The following MED28 variants were observed in gnomAD, a reference collection of about 807,000 sequenced individuals.
MED28 encodes mediator complex subunit 28.
In MED28, 26 loss-of-function variants were observed where a neutral mutation model predicts 21.3. The observed-to-expected ratio is 1.22, with a 90% CI of 0.89 to 1.69. The LOEUF is 1.69. MED28 is among the 40% of genes most tolerant of loss of function. The pLI, the probability that MED28 is intolerant of heterozygous loss-of-function variation, is 0.00. For missense variants in MED28, 257 were observed against 215.4 expected, an observed-to-expected ratio of 1.19 and a Z score of -1.21; for synonymous variants, 110 against 87.6, an observed-to-expected ratio of 1.26 and a Z score of -1.43.
In MED28 at chr4:17,631,074, C is replaced by T. The variant is rs1714922440; in HGVS notation, c.*7276C>T. ...TGCTCTGTCAGAAGGTAAGACAAAT[C>T]AGTGTGGACTGAGAGCAAGGTCAGC... is the stretch of plus-strand genomic sequence containing the variant. On this transcript the variant is annotated 3_prime_UTR_variant, in exon 4 of 4. Coordinates refer to ENST00000237380, the MANE Select transcript of MED28 (RefSeq NM_025205.5). The T allele has an allele frequency of 6.6e-6, 1 of 152,202 alleles. No individual in the cohort carries two copies. 9.4% of individuals were successfully genotyped at this position (152,202 alleles called of 1,614,324 possible).
At chr4:17,622,914 A>G (rs1434248393) in intron 3 of MED28, among the ~76,000 whole-genome samples, 1 of 152,182 alleles carries the variant, frequency 6.6e-6, no homozygotes, top group East Asian at 1.9e-4. Flanking sequence ...ATTCACTACC[A>G]GGAGAACAGC....
rs1714841318 is a variant in MED28 at position 17,628,744 on chromosome 4, C to G, written c.*4946C>G. 6.6e-6 allele frequency: 1 copy of G among 152,214 alleles called. No individual in the cohort carries two copies. Among genetic ancestry groups the G allele is most frequent in the South Asian group, 2.1e-4 (1 of 4,824 alleles). The allele number at this position is 152,214 out of a possible 1,614,324, so 9.4% of individuals were successfully genotyped here. On this transcript the variant is annotated 3_prime_UTR_variant, in exon 4 of 4. Transcript: ENST00000237380. The stretch of plus-strand genomic sequence containing the variant: ...AGGATGAGGCTTGGGGACTGGCTCA[C>G]TCACTGCCCAACTGGTAGCAAAACC...
intron 1 of MED28, among the ~76,000 whole-genome samples, chr4:17,615,393 G>A (rs139824269): frequency 0.012 from 1,789 of 152,312 alleles, 40 homozygotes; most frequent in African/African-American, 0.041. Flanking sequence ...TATATTGAGG[G>A]AAGATAGAGA....
chr4:17,632,250 T>C lies in MED28; in HGVS notation c.*8452T>C, dbSNP rs1365373834. Reference sequence around the variant, plus strand: ...CCACCATGCCTGGCTAATTTTTGTATATTTTGTAGAGATGGGGTTTCACCA... The same window carrying C: ...CCACCATGCCTGGCTAATTTTTGTACATTTTGTAGAGATGGGGTTTCACCA... On this transcript the variant is annotated 3_prime_UTR_variant, in exon 4 of 4. Transcript: ENST00000237380. 5.4e-6 allele frequency: 1 copy of C among 186,366 alleles called. No homozygotes were observed. Among genetic ancestry groups the C allele is most frequent in the Non-Finnish European group, 1.1e-5 (1 of 88,786 alleles). The allele number at this position is 186,366 out of a possible 1,614,324, so 11.5% of individuals were successfully genotyped here.
rs971562214 is a variant in MED28, at chr4:17,631,800, T to C, written c.*8002T>C. On this transcript the variant is annotated 3_prime_UTR_variant, in exon 4 of 4. Transcript: ENST00000237380. ...TGTTTAACTGTTATTTGTCTTCCTA[T>C]TGAGGTTAGATGTGCATTTTGGAAT... 6.6e-6 allele frequency: 1 copy of C among 152,160 alleles called. No individual in the cohort carries two copies. Among genetic ancestry groups the C allele is most frequent in the Non-Finnish European group, 1.5e-5 (1 of 68,038 alleles). The allele number at this position is 152,160 out of a possible 1,614,324, so 9.4% of individuals were successfully genotyped here.
Position 17,632,709 on chromosome 4 carries a change from A to G in MED28, c.*8911A>G, listed in dbSNP as rs1018180114. ...ATACCCACCATCTTTTCAGGGAAAG[A>G]TAACTGCTTGTTTACTCTTCAAAAA... On this transcript the variant is annotated 3_prime_UTR_variant, in exon 4 of 4. Coordinates refer to ENST00000237380, the MANE Select transcript of MED28 (RefSeq NM_025205.5). The G allele has an allele frequency of 3.3e-6, 3 of 914,456 alleles. No homozygotes were observed. The highest frequency in any genetic ancestry group is 4.9e-5 in the Admixed American group (2 of 40,860). The allele number at this position is 914,456 out of a possible 1,614,324, so 56.6% of individuals were successfully genotyped here.
chr4:17,616,892 T>G (rs958120364), intron 1 of MED28, among the ~76,000 whole-genome samples: 1 of 152,194 alleles, frequency 6.6e-6, no homozygotes, highest in East Asian at 1.9e-4. Context: ...CTGATTCACA[T>G]ATATGTCTGT....
Position 17,633,754 on chromosome 4 carries a change from G to T in MED28, c.*9956G>T. ...AGGTCCGGCCACAGCTGGGGCTTGG[G>T]TCCAAGCTGGGTGATGTAGTTATTG... On this transcript the variant is annotated 3_prime_UTR_variant, in exon 4 of 4. Transcript: ENST00000237380. 6.4e-7 allele frequency: 1 copy of T among 1,551,224 alleles called. No homozygotes were observed. The highest frequency in any genetic ancestry group is 8.7e-7 in the Non-Finnish European group (1 of 1,146,814).
chr4:17,617,072 G>A (rs1714474249), intron 1 of MED28, among the ~76,000 whole-genome samples: 1 of 152,336 alleles, frequency 6.6e-6, no homozygotes, highest in South Asian at 2.1e-4. Context: ...GCACATATAG[G>A]TGTGGACATC....
rs1282700334 is a variant in MED28 at position 17,629,929 on chromosome 4, T to A, written c.*6131T>A. On this transcript the variant is annotated 3_prime_UTR_variant, in exon 4 of 4. Coordinates refer to ENST00000237380, the MANE Select transcript of MED28 (RefSeq NM_025205.5). ...GCTTAAGTTTGTGTCCTTAAATGCC[T>A]TACTTCAATACCCAAGGCATATGGC... 2 of 152,190 alleles carry A rather than the reference T, an allele frequency of 1.3e-5. No homozygotes were observed. The highest frequency in any genetic ancestry group is 4.8e-5 in the African/African-American group (2 of 41,462). The allele number at this position is 152,190 out of a possible 1,614,324, so 9.4% of individuals were successfully genotyped here. A position where few individuals can be genotyped will look rare whatever the true frequency, so the allele number is the denominator to read the frequency against.
intron 2 of MED28, among the ~76,000 whole-genome samples, chr4:17,620,971 G>T (rs1297776367): frequency 6.6e-6 from 1 of 150,674 alleles, no homozygotes; most frequent in Non-Finnish European, 1.5e-5. Flanking sequence ...GCCTCCCAAA[G>T]TGCTGGGATT....
Position 17,633,027 on chromosome 4 carries a change from A to G in MED28, c.*9229A>G. ...ACCTCCAGCCTCCTGCGTTCAAGCG[A>G]TCATTGTGCCTCAGCCTCCCGGGGA... On this transcript the variant is annotated 3_prime_UTR_variant, in exon 4 of 4. Coordinates refer to ENST00000237380, the MANE Select transcript of MED28 (RefSeq NM_025205.5). 6.3e-6 allele frequency: 1 copy of G among 158,206 alleles called. No individual in the cohort carries two copies. Among genetic ancestry groups the G allele is most frequent in the Non-Finnish European group, 1.4e-5 (1 of 71,580 alleles). 9.8% of individuals were successfully genotyped at this position (158,206 alleles called of 1,614,324 possible).
At position 17,623,890 on chromosome 4, in the gene MED28, CTT is replaced by C; in HGVS notation, c.*94_*95del. ...GTGGACTTGACATTTTGGAAGAACTCTTTGCCAGATAATGAGTTCATTTTAGT... is the reference window on the plus strand; with the variant it reads ...GTGGACTTGACATTTTGGAAGAACTCTGCCAGATAATGAGTTCATTTTAGT... On this transcript the variant is annotated 3_prime_UTR_variant, in exon 4 of 4. Coordinates refer to ENST00000237380, the MANE Select transcript of MED28 (RefSeq NM_025205.5). 2 of 1,396,686 alleles carry C rather than the reference CTT, an allele frequency of 1.4e-6. No individual in the cohort carries two copies. The highest frequency in any genetic ancestry group is 2.0e-6 in the Non-Finnish European group (2 of 1,022,098). The allele number at this position is 1,396,686 out of a possible 1,614,324, so 86.5% of individuals were successfully genotyped here. A position where few individuals can be genotyped will look rare whatever the true frequency, so the allele number is the denominator to read the frequency against.
At position 17,632,642 on chromosome 4, in the gene MED28, G is replaced by GT. The variant is rs746656665; in HGVS notation, c.*8851dup. 4.2e-5 allele frequency: 44 copies of GT among 1,055,974 alleles called. No individual in the cohort carries two copies. The highest frequency in any genetic ancestry group is 3.5e-4 in the African/African-American group (24 of 67,660). 65.4% of individuals were successfully genotyped at this position (1,055,974 alleles called of 1,614,324 possible). ...TCTGGGGTCCTAAAAGCAAAAAAAG[G>GT]TTTTTTTATATGGTTTTGAAAACTA... On this transcript the variant is annotated 3_prime_UTR_variant, in exon 4 of 4. Transcript: ENST00000237380.
chr4:17,619,616 G>A (rs1026886252), intron 1 of MED28, among the ~76,000 whole-genome samples: 1 of 152,168 alleles, frequency 6.6e-6, no homozygotes, highest in Non-Finnish European at 1.5e-5. Flanking sequence ...GGCTGGAAGA[G>A]TGTCTGGGCC....
Position 17,633,987 on chromosome 4 carries a change from C to A in MED28, c.*10189C>A. The A allele has an allele frequency of 2.1e-6, 2 of 960,296 alleles. No individual in the cohort carries two copies. Among genetic ancestry groups the A allele is most frequent in the Non-Finnish European group, 2.8e-6 (2 of 707,248 alleles). The allele number at this position is 960,296 out of a possible 1,614,324, so 59.5% of individuals were successfully genotyped here. A position where few individuals can be genotyped will look rare whatever the true frequency, so the allele number is the denominator to read the frequency against. On this transcript the variant is annotated 3_prime_UTR_variant, in exon 4 of 4. Transcript: ENST00000237380. ...AATGCTCACCCAATCAAAATTGTAT[C>A]GGAGAAGAAGCAACAATTTCATTTA... is the stretch of plus-strand genomic sequence containing the variant.
chr4:17,632,486 A>G lies in MED28; in HGVS notation c.*8688A>G, dbSNP rs1714982533. The G allele has an allele frequency of 7.1e-7, 1 of 1,409,818 alleles. No individual in the cohort carries two copies. Among genetic ancestry groups the G allele is most frequent in the African/African-American group, 1.4e-5 (1 of 69,852 alleles). 87.3% of individuals were successfully genotyped at this position (1,409,818 alleles called of 1,614,324 possible). ...CATTCCTTCAATCGGATGATTTAAA[A>G]TAAATGTTTTTCAAGTATCCTCTGT... On this transcript the variant is annotated 3_prime_UTR_variant, in exon 4 of 4. Transcript: ENST00000237380.
chr4:17,619,913 T>C lies in MED28; in HGVS notation c.172T>C (p.Ser58Pro). Residue 58 changes from serine to proline, a missense_variant, in exon 2 of 4, where the codon TCT (serine) becomes CCT (proline). Ser to Pro is a moderately conservative substitution (Grantham distance 74). Transcript: ENST00000237380. ...TTTGATTACACAGGCTTGCTTTGCA[T>C]CTCTGGTGAGTCAGGACTATGTCAA... ...LESSFEACFASLVSQDYVNGT... is the reference protein window; with the variant it reads ...LESSFEACFAPLVSQDYVNGT... 6.2e-7 allele frequency: 1 copy of C among 1,614,188 alleles called. No individual in the cohort carries two copies. Among genetic ancestry groups the C allele is most frequent in the Non-Finnish European group, 8.5e-7 (1 of 1,180,006 alleles).
intron 1 of MED28, among the ~76,000 whole-genome samples, chr4:17,617,479 C>T (rs1363621974): frequency 6.6e-6 from 1 of 152,186 alleles, no homozygotes; most frequent in East Asian, 1.9e-4. Flanking sequence ...CCATTTCCTC[C>T]ATTCATAGGT....
Sources: gnomAD v4.1 joint callset for allele counts (sites outside exome capture counted in the v4.1 genomes callset) on GRCh38, gnomAD v4.1.1 for gene constraint, MANE v1.5 for transcripts, NCBI Gene and HGNC (gene_info 2026-07-23, HGNC 2026-07-21) for gene names.